Variants in LRRK1 observed in about 807,000 individuals in gnomAD.
LRRK1 encodes leucine-rich repeat serine/threonine-protein kinase 1.
A neutral mutation model predicts 209.1 loss-of-function variants in LRRK1; 113 were observed. That is an observed-to-expected ratio of 0.54 (90% CI 0.46 to 0.63). The LOEUF (loss-of-function observed/expected upper bound fraction) is 0.63, where lower values mean the gene tolerates loss of function less well. Ranked by LOEUF, LRRK1 falls within the 30% of genes least tolerant of loss-of-function variation. The pLI is 0.00. For synonymous variants in LRRK1, 1,144 were observed against 1,099.7 expected, an observed-to-expected ratio of 1.04 and a Z score of -0.80; for missense variants, 2,284 against 2,632.2, an observed-to-expected ratio of 0.87 and a Z score of 2.89.
At chr15:100,988,431 G>C (rs2031985695) in intron 4 of LRRK1, 3 of 615,902 alleles carry the variant, frequency 4.9e-6, no homozygotes, top group Non-Finnish European at 8.7e-6. Context: ...AGTTCACTTA[G>C]GATAATGACC....
rs1203868116 is a variant in LRRK1, at chr15:101,072,120, G to A, written c.*3272G>A. 1 of 152,226 alleles carries A rather than the reference G, an allele frequency of 6.6e-6. No individual in the cohort carries two copies. The highest frequency in any genetic ancestry group is 2.4e-5 in the African/African-American group (1 of 41,466). The allele number at this position is 152,226 out of a possible 1,614,324, so 9.4% of individuals were successfully genotyped here. A position where few individuals can be genotyped will look rare whatever the true frequency, so the allele number is the denominator to read the frequency against. On this transcript the variant is annotated 3_prime_UTR_variant, in exon 34 of 34. Coordinates refer to ENST00000388948, the MANE Select transcript of LRRK1 (RefSeq NM_024652.6). Reference sequence around the variant, plus strand: ...ACTTTACAACTCACTTTGCTGAATGGAGGGTGGATTAACGAGGGGGTAGTT... The same window carrying A: ...ACTTTACAACTCACTTTGCTGAATGAAGGGTGGATTAACGAGGGGGTAGTT...
At chr15:100,924,459 A>G in intron 1 of LRRK1, 52 bp from the exon 2 acceptor site, 1 of 596,208 alleles carries the variant, frequency 1.7e-6, no homozygotes, top group Non-Finnish European at 3.0e-6. Flanking sequence ...TTTGCAGGGG[A>G]GGAGGACAGG....
At chr15:100,967,327 A>G (rs1006654962) in intron 2 of LRRK1, among the ~76,000 whole-genome samples, 3 of 152,224 alleles carry the variant, frequency 2.0e-5, no homozygotes, top group Non-Finnish European at 4.4e-5. Flanking sequence ...AAGACACAAT[A>G]ATCTCCACTC....
chr15:101,067,128 T>C, intron 33 of LRRK1: 1 of 397,656 alleles, frequency 2.5e-6, no homozygotes, highest in Non-Finnish European at 5.1e-6. Flanking sequence ...CAGCACCCTA[T>C]GGGGACAGAT....
At chr15:101,019,765 C>T (rs1161218012) in intron 12 of LRRK1, among the ~76,000 whole-genome samples, 1 of 152,180 alleles carries the variant, frequency 6.6e-6, no homozygotes, top group Non-Finnish European at 1.5e-5. Flanking sequence ...ATCTTGAATT[C>T]TCCGAGCTCC....
Position 101,006,372 on chromosome 15 carries a change from TA to T in LRRK1, c.763-2445del, listed in dbSNP as rs56053663. ...AGGACTTAATGCAACGACAATGTGATAAAAAAAAAAAAAAAAAAAAGAAAAG... is the reference window on the plus strand; with the variant it reads ...AGGACTTAATGCAACGACAATGTGATAAAAAAAAAAAAAAAAAAAGAAAAG... On this transcript the variant is annotated intron_variant, in intron 6 of 33. Coordinates refer to ENST00000388948, the MANE Select transcript of LRRK1 (RefSeq NM_024652.6). Among the ~76,000 whole-genome samples the T allele has an allele frequency of 1.5e-3, 167 of 114,454 alleles. 2 individuals are homozygous for T. The highest frequency in any genetic ancestry group is 8.5e-3 in the East Asian group (38 of 4,482). 75.1% of individuals were successfully genotyped at this position (114,454 alleles called of 152,430 possible).
chr15:100,971,728 T>G (rs2030897399), intron 2 of LRRK1, among the ~76,000 whole-genome samples: 1 of 152,154 alleles, frequency 6.6e-6, no homozygotes, highest in Non-Finnish European at 1.5e-5. Context: ...ATTTATTCCT[T>G]CTTACTGTAT....
intron 6 of LRRK1, among the ~76,000 whole-genome samples, chr15:100,991,511 T>C (rs2032155261): frequency 6.6e-6 from 1 of 152,212 alleles, no homozygotes; most frequent in Admixed American, 6.5e-5. Flanking sequence ...TTTCCATTTC[T>C]ATTCCAACCT....
intron 2 of LRRK1, among the ~76,000 whole-genome samples, chr15:100,950,778 T>C (rs568308626): frequency 1.6e-4 from 25 of 152,328 alleles, no homozygotes; most frequent in African/African-American, 5.3e-4. Context: ...TAAAGAACTC[T>C]CACAATTCAG....
rs144869599 is a variant in LRRK1 at position 100,978,978 on chromosome 15, T to C, written c.262-4550T>C. ...GACCAATGCCCATTATGAATGTGGA[T>C]GCAAAAATTCTTCACAAAATATTAG... On this transcript the variant is annotated intron_variant, in intron 3 of 33. Coordinates refer to ENST00000388948, the MANE Select transcript of LRRK1 (RefSeq NM_024652.6). Among the ~76,000 whole-genome samples, 459 of 152,304 alleles carry C rather than the reference T, an allele frequency of 3.0e-3. 4 individuals are homozygous for C. Among genetic ancestry groups the C allele is most frequent in the African/African-American group, 0.01 (432 of 41,566 alleles).
At position 101,055,208 on chromosome 15, in the gene LRRK1, T is replaced by C; in HGVS notation, c.4317T>C (p.Ile1439=). 6.4e-7 allele frequency: 1 copy of C among 1,570,528 alleles called. No individual in the cohort carries two copies. The highest frequency in any genetic ancestry group is 2.3e-5 in the East Asian group (1 of 43,982). The change falls in exon 27 of 34, where the codon ATT becomes ATC. Residue 1439 remains isoleucine (I), a synonymous_variant. Transcript: ENST00000388948. ...AGGCCCCAGAGATCAGGCCTCGCAT[T>C]GTATATGATGAGAAGGTACGTGCCT... ...GYQAPEIRPR[I]VYDEKVDMFS...
intron 2 of LRRK1, among the ~76,000 whole-genome samples, chr15:100,961,086 A>C (rs1476209902): frequency 3.3e-5 from 5 of 152,170 alleles, no homozygotes; most frequent in African/African-American, 1.2e-4. Context: ...GAAAGCTGGG[A>C]GGTCTATGGC....
rs773874591 is a variant in LRRK1, at chr15:101,027,726, A to G, written c.2615A>G (p.Asp872Gly). ...SRDDDVQYLT[D>G]RQLEQLVEQT... ...GACGACGACGTGCAGTACCTGACGG[A>G]CAGGCAGCTGGAGCAGCTGGTGGAG... Residue 872 changes from aspartate (D) to glycine (G), a missense_variant, in exon 19 of 34, where the codon GAC becomes GGC. Physicochemically the swap from Asp to Gly is moderately conservative, Grantham distance 94. This residue lies in a region of LRRK1 where 780 missense variants were observed against 985.2 expected (regional missense o/e 0.79). Coordinates refer to ENST00000388948, the MANE Select transcript of LRRK1 (RefSeq NM_024652.6). This position sits in a 1 kb window ranked among gnomAD's most constrained non-coding sequence, Gnocchi z 5.1. The G allele has an allele frequency of 3.7e-5, 60 of 1,611,346 alleles. No homozygotes were observed. In the East Asian group the frequency reaches 1.3e-3, roughly 36 times the overall value.
intron 2 of LRRK1, among the ~76,000 whole-genome samples, chr15:100,936,781 G>A (rs554821671): frequency 1.3e-5 from 2 of 152,344 alleles, no homozygotes; most frequent in East Asian, 3.9e-4. Flanking sequence ...GCTGGGAGAA[G>A]GAGGCATCTC....
chr15:101,022,314 G>A lies in LRRK1; in HGVS notation c.1853-69G>A, dbSNP rs2033831685. On this transcript the variant is annotated intron_variant, in intron 14 of 33. Transcript: ENST00000388948. This position sits in a 1 kb window ranked among gnomAD's most constrained non-coding sequence, Gnocchi z 4.0. ...CAAAGAAGGAGTTCCTTCACAACAG[G>A]ATTTTGTGTCCTAAGAGATGTGAGC... The A allele has an allele frequency of 9.0e-6, 13 of 1,440,124 alleles. No homozygotes were observed. Among genetic ancestry groups the A allele is most frequent in the Non-Finnish European group, 1.3e-5 (13 of 1,027,580 alleles). 89.2% of individuals were successfully genotyped at this position (1,440,124 alleles called of 1,614,324 possible).
chr15:101,000,431 C>T lies in LRRK1; in HGVS notation c.763-8406C>T, dbSNP rs370958965. ...CAACCTCCCCTCTCTTCCCTTGACT[C>T]ATTACCATCTGAATTCTTAGAACTG... On this transcript the variant is annotated intron_variant, in intron 6 of 33. Coordinates refer to ENST00000388948, the MANE Select transcript of LRRK1 (RefSeq NM_024652.6). Among the ~76,000 whole-genome samples the T allele has an allele frequency of 1.6e-4, 24 of 152,320 alleles. 2 individuals carry two copies. Among genetic ancestry groups the T allele is most frequent in the Admixed American group, 7.2e-4 (11 of 15,304 alleles).
chr15:100,973,423 G>C (rs2031065366), intron 2 of LRRK1, among the ~76,000 whole-genome samples: 1 of 152,212 alleles, frequency 6.6e-6, no homozygotes, highest in South Asian at 2.1e-4. Context: ...TCCCCCGTGG[G>C]CACCGCAGCG....
intron 2 of LRRK1, among the ~76,000 whole-genome samples, chr15:100,933,821 C>CAAAAAAAAA (rs67129854): frequency 4.7e-5 from 2 of 42,864 alleles, no homozygotes; most frequent in African/African-American, 9.2e-5. Context: ...GACTCCATCT[C>CAAAAAAAAA]AAAAAAAAAA....
intron 5 of LRRK1, 100 bp downstream of exon 5, chr15:100,988,913 C>A (rs4357923): frequency 1.0e-6 from 1 of 1,001,296 alleles, no homozygotes; most frequent in East Asian, 2.6e-5. Flanking sequence ...GCTCTCAAAT[C>A]ACCTCTGTGA....
Sources: allele counts gnomAD v4.1 joint callset (sites outside exome capture counted in the v4.1 genomes callset), GRCh38; gene constraint gnomAD v4.1.1; regional missense constraint gnomAD v4.1.1; non-coding constraint Gnocchi (gnomAD v3.1); transcripts MANE v1.5; gene names NCBI Gene and HGNC (gene_info 2026-07-23, HGNC 2026-07-21).